SETDB2: variants seen among roughly 807,000 people sequenced by gnomAD.
The protein encoded by SETDB2 is histone-lysine N-methyltransferase SETDB2.
Under a neutral mutation model 82.5 loss-of-function variants are expected in SETDB2, and 56 were observed. The observed-to-expected ratio is 0.68, with a 90% CI of 0.55 to 0.85. SETDB2 has a LOEUF of 0.85. SETDB2 is among the 40% of genes least tolerant of loss of function. The pLI is 0.00. For synonymous variants in SETDB2, 272 were observed against 284.9 expected, an observed-to-expected ratio of 0.95 and a Z score of 0.46; for missense variants, 677 against 816.4, an observed-to-expected ratio of 0.83 and a Z score of 2.08.
intron 1 of SETDB2, among the ~76,000 whole-genome samples, chr13:49,449,113 A>G (rs1007332359): frequency 3.9e-5 from 6 of 152,124 alleles, no homozygotes; most frequent in African/African-American, 1.4e-4. Flanking sequence ...TTAAAATATC[A>G]TATCTGGGTT....
At chr13:49,490,982 G>A in intron 13 of SETDB2, 72 bp downstream of exon 13, 2 of 1,248,940 alleles carry the variant, frequency 1.6e-6, no homozygotes, top group Non-Finnish European at 2.3e-6. Flanking sequence ...GCTGAGTGCT[G>A]TGGCTCATAC....
chr13:49,484,562 G>A (rs914726646), intron 10 of SETDB2, among the ~76,000 whole-genome samples: 1 of 152,182 alleles, frequency 6.6e-6, no homozygotes, highest in Non-Finnish European at 1.5e-5. Flanking sequence ...GAGCCACTGC[G>A]CCTGGCTGAA....
chr13:49,477,546 T>A (rs1257947618), intron 6 of SETDB2, among the ~76,000 whole-genome samples: 1 of 152,234 alleles, frequency 6.6e-6, no homozygotes, highest in African/African-American at 2.4e-5. Context: ...TTTGAAACAT[T>A]TCTTCCAAGA....
Position 49,493,270 on chromosome 13 carries a change from A to G in SETDB2, c.*1421A>G, listed in dbSNP as rs1007026427. ...GAGACGCAGGAATTTCAGGCAATGC[A>G]CTAAAATGAAATGGGGGAAAAAAGC... is the stretch of plus-strand genomic sequence containing the variant. On this transcript the variant is annotated 3_prime_UTR_variant, in exon 14 of 14. Coordinates refer to ENST00000611815, the MANE Select transcript of SETDB2 (RefSeq NM_001160308.3). 3 of 152,210 alleles carry G rather than the reference A, an allele frequency of 2.0e-5. No individual in the cohort carries two copies. Among genetic ancestry groups the G allele is most frequent in the Admixed American group, 2.0e-4 (3 of 15,280 alleles). The allele number at this position is 152,210 out of a possible 1,614,324, so 9.4% of individuals were successfully genotyped here. A position where few individuals can be genotyped will look rare whatever the true frequency, so the allele number is the denominator to read the frequency against.
chr13:49,482,430 C>T, intron 8 of SETDB2: 1 of 539,382 alleles, frequency 1.9e-6, no homozygotes, highest in Non-Finnish European at 2.4e-6. Flanking sequence ...AGAGTCATCT[C>T]TCTAATTTTC....
intron 4 of SETDB2, among the ~76,000 whole-genome samples, chr13:49,462,355 A>C (rs530751556): frequency 4.6e-5 from 7 of 152,302 alleles, no homozygotes; most frequent in African/African-American, 1.4e-4. Flanking sequence ...TCTCATTAGC[A>C]TACAAAAGAC....
chr13:49,447,039 ATCT>A (rs1163022220), intron 1 of SETDB2, among the ~76,000 whole-genome samples: 4 of 152,140 alleles, frequency 2.6e-5, no homozygotes, highest in African/African-American at 9.6e-5. Flanking sequence ...ATGAGATATT[ATCT>A]TCTTCATTTT....
Position 49,460,216 on chromosome 13 carries a change from G to A in SETDB2, c.126G>A (p.Gly42=), listed in dbSNP as rs1211204462. Residue 42 remains glycine, a synonymous_variant, in exon 3 of 14, where the codon GGG becomes GGA. Transcript: ENST00000611815. The part of the protein sequence containing the change: ...LQSLKQKIKD[G]SATNKEYIQA... ...CACTGAAACAAAAGATCAAAGATGG[G>A]TCTGCCACCAATAAAGGTATGAAGC... 1.2e-6 allele frequency: 2 copies of A among 1,612,296 alleles called. No individual in the cohort carries two copies. Among genetic ancestry groups the A allele is most frequent in the Admixed American group, 3.3e-5 (2 of 59,776 alleles).
Position 49,481,123 on chromosome 13 carries a change from C to T in SETDB2, c.1156+7C>T. 1.9e-6 allele frequency: 3 copies of T among 1,605,580 alleles called. No individual in the cohort carries two copies. Among genetic ancestry groups the T allele is most frequent in the Non-Finnish European group, 1.7e-6 (2 of 1,175,902 alleles). On this transcript the variant is annotated splice_region_variant and intron_variant, in intron 8 of 13. Transcript: ENST00000611815. ...TTTGTTTGCATTTATTCAGGTAAAG[C>T]AAAAGTTTATTTTCAAATTATTCTA...
At chr13:49,446,483 T>G (rs750991958) in intron 1 of SETDB2, 6 of 433,996 alleles carry the variant, frequency 1.4e-5, no homozygotes, top group Non-Finnish European at 1.8e-5. Flanking sequence ...ACTTACACCT[T>G]TTAATACTGT....
At position 49,492,116 on chromosome 13, in the gene SETDB2, A is replaced by C; in HGVS notation, c.*267A>C. On this transcript the variant is annotated 3_prime_UTR_variant, in exon 14 of 14. Transcript: ENST00000611815. ...TATTTTATATGAAATACCACTGTAC[A>C]ATTTATAATTTATTTACAAATTATA... 3.6e-6 allele frequency: 1 copy of C among 275,712 alleles called. No individual in the cohort carries two copies. Among genetic ancestry groups the C allele is most frequent in the Non-Finnish European group, 7.1e-6 (1 of 141,794 alleles). The allele number at this position is 275,712 out of a possible 1,614,324, so 17.1% of individuals were successfully genotyped here.
intron 4 of SETDB2, among the ~76,000 whole-genome samples, chr13:49,462,329 C>T (rs999423922): frequency 1.4e-4 from 22 of 152,188 alleles, no homozygotes; most frequent in African/African-American, 5.3e-4. Flanking sequence ...AGGGATAGCT[C>T]ACCTCTCAAC....
chr13:49,446,415 C>G lies in SETDB2; in HGVS notation c.-342+1558C>G, dbSNP rs1430091149. On this transcript the variant is annotated intron_variant, in intron 1 of 13. Transcript: ENST00000611815. ...TTGTACAAGGAATGTTCCCTCACTC[C>G]TCTCCCTCCCTACTCCCGCTGGAGA... is the stretch of plus-strand genomic sequence containing the variant. 2.8e-5 allele frequency: 13 copies of G among 456,320 alleles called. No homozygotes were observed. In the East Asian group the frequency reaches 6.9e-4, roughly 24 times the overall value. 28.3% of individuals were successfully genotyped at this position (456,320 alleles called of 1,614,324 possible).
chr13:49,453,197 T>C (rs9568208), intron 2 of SETDB2, among the ~76,000 whole-genome samples: 17,941 of 152,144 alleles, frequency 0.12, 1,182 homozygotes, highest in Admixed American at 0.18. Context: ...CATGGCTATT[T>C]ATTTTATACT....
chr13:49,476,461 A>G lies in SETDB2; in HGVS notation c.306-15A>G. 5 of 1,485,984 alleles carry G rather than the reference A, an allele frequency of 3.4e-6. No individual in the cohort carries two copies. Among genetic ancestry groups the G allele is most frequent in the Non-Finnish European group, 4.6e-6 (5 of 1,096,106 alleles). The allele number at this position is 1,485,984 out of a possible 1,614,324, so 92.0% of individuals were successfully genotyped here. On this transcript the variant is annotated splice_polypyrimidine_tract_variant and intron_variant, in intron 5 of 13. Transcript: ENST00000611815. Reference sequence around the variant, plus strand: ...CTATAAATTTGAGATACTAATGAATAATTTATTTTAACAGAACAACAGAAA... The same window carrying G: ...CTATAAATTTGAGATACTAATGAATGATTTATTTTAACAGAACAACAGAAA...
chr13:49,465,568 C>G (rs1958089831), intron 4 of SETDB2, among the ~76,000 whole-genome samples: 1 of 151,360 alleles, frequency 6.6e-6, no homozygotes, highest in Non-Finnish European at 1.5e-5. Flanking sequence ...CGAAGTCTCA[C>G]TCTTATCCCC....
chr13:49,474,755 A>G (rs1958321571), intron 5 of SETDB2, among the ~76,000 whole-genome samples: 1 of 152,254 alleles, frequency 6.6e-6, no homozygotes, highest in African/African-American at 2.4e-5. Context: ...AGTCGGAGAA[A>G]GGATGAGGAA....
At chr13:49,448,650 G>C (rs916043590) in intron 1 of SETDB2, among the ~76,000 whole-genome samples, 1 of 152,104 alleles carries the variant, frequency 6.6e-6, no homozygotes, top group African/African-American at 2.4e-5. Context: ...CAGTCTTTTG[G>C]AATTTGTTGA....
At position 49,463,281 on chromosome 13, in the gene SETDB2, G is replaced by A. The variant is rs546606324; in HGVS notation, c.208+2119G>A. 3.9e-5 allele frequency among the ~76,000 whole-genome samples: 6 copies of A among 152,212 alleles called. No homozygotes were observed. The East Asian group carries it at 1.2e-3, about 29-fold the overall frequency. Reference sequence around the variant, plus strand: ...CTGCCTCGGCCTCCCAAAGTGCTGGGATTACAGGCGTGAGCCACCGCGCCT... The same window carrying A: ...CTGCCTCGGCCTCCCAAAGTGCTGGAATTACAGGCGTGAGCCACCGCGCCT... On this transcript the variant is annotated intron_variant, in intron 4 of 13. Transcript: ENST00000611815.
Sources: gnomAD v4.1 joint callset for allele counts (sites outside exome capture counted in the v4.1 genomes callset) on GRCh38, gnomAD v4.1.1 for gene constraint, MANE v1.5 for transcripts, NCBI Gene and HGNC (gene_info 2026-07-23, HGNC 2026-07-21) for gene names.